Variants in POLN observed in about 807,000 individuals in gnomAD.
POLN encodes DNA polymerase N.
In POLN, 108 loss-of-function variants were observed where a neutral mutation model predicts 113.5. The observed-to-expected ratio is 0.95, with a 90% CI of 0.81 to 1.12. POLN has a LOEUF of 1.12. Ranked by LOEUF, POLN falls within the 50% of genes most tolerant of loss-of-function variation. POLN has a pLI of 0.00. For synonymous variants in POLN, 386 were observed against 391.5 expected (o/e 0.99, Z 0.17); for missense variants, 1,097 against 1,077.1 (o/e 1.02, Z -0.26).
chr4:2,176,168 G>A (rs574680553), intron 9 of POLN, 98 bp downstream of exon 9: 29 of 948,758 alleles, frequency 3.1e-5, no homozygotes, highest in African/African-American at 8.3e-5. Context: ...TCAACGTTTC[G>A]TTTCCTTCAC....
intron 19 of POLN, among the ~76,000 whole-genome samples, chr4:2,106,384 G>T (rs539202342): frequency 2.6e-5 from 4 of 152,312 alleles, no homozygotes; most frequent in African/African-American, 9.6e-5. Context: ...AAGACTCCTA[G>T]ACTTTAGAAT....
At chr4:2,229,009 T>A in intron 3 of POLN, 90 bp downstream of exon 3, 1 of 1,329,036 alleles carries the variant, frequency 7.5e-7, no homozygotes. Context: ...GCTTCATCTG[T>A]CTACATGCAT....
rs562198113 is a variant in POLN at position 2,215,602 on chromosome 4, A to AAGT, written c.134-2479_134-2477dup. On this transcript the variant is annotated intron_variant, in intron 3 of 25. Coordinates refer to ENST00000511885, the MANE Select transcript of POLN (RefSeq NM_181808.4). ...GGAAGGGGTGGGCCCTTGGGCAAAGAAGTTCTTTGCAGCCAGGCAATCAGG... is the reference window on the plus strand; with the variant it reads ...GGAAGGGGTGGGCCCTTGGGCAAAGAAGTAGTTCTTTGCAGCCAGGCAATCAGG... Among the ~76,000 whole-genome samples the AAGT allele has an allele frequency of 6.7e-4, 102 of 152,234 alleles. No individual in the cohort carries two copies. The South Asian group carries it at 0.012, about 17-fold the overall frequency.
At chr4:2,187,781 A>AAGGAGGGAGTG (rs1733315997) in intron 7 of POLN, among the ~76,000 whole-genome samples, 1 of 152,152 alleles carries the variant, frequency 6.6e-6, no homozygotes. Context: ...TTCTCAACAG[A>AAGGAGGGAGTG]AGGAGGGAGT....
rs746512545 is a variant in POLN, at chr4:2,208,336, T to C, written c.365A>G (p.Tyr122Cys). The C allele has an allele frequency of 1.2e-5, 19 of 1,613,184 alleles. No homozygotes were observed. The South Asian group carries it at 1.2e-4, about 10-fold the overall frequency. The change falls in exon 5 of 26, where the codon TAT (tyrosine) becomes TGT (cysteine). Residue 122 changes from tyrosine (Y) to cysteine (C), a missense_variant. Physicochemically the swap from Tyr to Cys is radical, Grantham distance 194. Transcript: ENST00000511885. ...LTLSSCLIPQ[Y>C]NQEASVLQKK... ...CTGTAGAACTGAAGCCTCTTGATTA[T>C]ACTGTGGAATTAAACAACTTGAAAG... is the stretch of plus-strand genomic sequence containing the variant.
intron 3 of POLN, 26 bp from the exon 4 acceptor site, chr4:2,213,152 A>T (rs766296057): frequency 1.3e-6 from 2 of 1,483,810 alleles, no homozygotes; most frequent in East Asian, 4.6e-5. Flanking sequence ...AAAAAGAAAC[A>T]TGGGGCATTA....
chr4:2,103,516 T>C (rs527276319), intron 19 of POLN, among the ~76,000 whole-genome samples: 1 of 152,174 alleles, frequency 6.6e-6, no homozygotes, highest in Non-Finnish European at 1.5e-5. Flanking sequence ...AAGAGAGATC[T>C]AAAGGCTCAG....
intron 16 of POLN, among the ~76,000 whole-genome samples, chr4:2,142,467 C>T (rs1429575852): frequency 2.6e-5 from 4 of 152,222 alleles, no homozygotes; most frequent in Admixed American, 6.5e-5. Context: ...TGTGTAAACA[C>T]GTTCCCTATC....
chr4:2,201,323 T>C (rs1204045420), intron 5 of POLN, among the ~76,000 whole-genome samples: 1 of 76,334 alleles, frequency 1.3e-5, no homozygotes, highest in Non-Finnish European at 2.8e-5. Flanking sequence ...AAATTTTCAA[T>C]GAAATAGATA....
intron 13 of POLN, among the ~76,000 whole-genome samples, chr4:2,168,341 G>T (rs958188779): frequency 1.3e-5 from 2 of 152,222 alleles, no homozygotes; most frequent in African/African-American, 4.8e-5. Context: ...CTCCAGGAAG[G>T]GGAAAGGGAG....
chr4:2,091,807 G>A (rs1216235483), intron 20 of POLN, among the ~76,000 whole-genome samples: 1 of 148,604 alleles, frequency 6.7e-6, no homozygotes, highest in Non-Finnish European at 1.5e-5. Flanking sequence ...GTGTGCGCGC[G>A]CTACAATTTG....
chr4:2,076,970 C>G (rs1730290707), intron 23 of POLN: 1 of 152,218 alleles, frequency 6.6e-6, no homozygotes, highest in Admixed American at 6.5e-5. Context: ...CAGGGTGGCC[C>G]AGGACTGCAT....
intron 20 of POLN, among the ~76,000 whole-genome samples, 185 bp from the exon 21 acceptor site, chr4:2,085,929 G>A (rs551542935): frequency 1.3e-5 from 2 of 152,332 alleles, no homozygotes; most frequent in Non-Finnish European, 1.5e-5. Flanking sequence ...TGTGAAACAT[G>A]TATTTATTCA....
intron 5 of POLN, among the ~76,000 whole-genome samples, chr4:2,205,101 A>T (rs1733811631): frequency 1.3e-5 from 2 of 152,210 alleles, no homozygotes; most frequent in Non-Finnish European, 2.9e-5. Context: ...GCAATCAGAC[A>T]AAAGAAAGAA....
At chr4:2,161,284 G>A (rs941830029) in intron 13 of POLN, among the ~76,000 whole-genome samples, 39 of 152,208 alleles carry the variant, frequency 2.6e-4, no homozygotes, top group African/African-American at 8.4e-4. Context: ...AGGCACGAGC[G>A]GGAACCGGGG....
Position 2,222,143 on chromosome 4 carries a change from C to T in POLN, c.133+6956G>A, listed in dbSNP as rs144129985. ...TTTCGCCATGTTGCCCAAACTGGTCCGATACTCAAGATTTTTTTTTTCTTG... is the reference window on the plus strand; with the variant it reads ...TTTCGCCATGTTGCCCAAACTGGTCTGATACTCAAGATTTTTTTTTTCTTG... On this transcript the variant is annotated intron_variant, in intron 3 of 25. Transcript: ENST00000511885. Among the ~76,000 whole-genome samples the T allele has an allele frequency of 1.6e-3, 237 of 152,168 alleles. 2 individuals carry two copies. Among genetic ancestry groups the T allele is most frequent in the African/African-American group, 5.4e-3 (223 of 41,520 alleles).
intron 13 of POLN, among the ~76,000 whole-genome samples, chr4:2,167,191 G>A (rs932219871): frequency 6.6e-6 from 1 of 152,170 alleles, no homozygotes; most frequent in African/African-American, 2.4e-5. Flanking sequence ...ATGACCTGGA[G>A]ACCCCATCAC....
chr4:2,098,914 GTGCGCA>G (rs1457495820), intron 19 of POLN, among the ~76,000 whole-genome samples: 1 of 56,730 alleles, frequency 1.8e-5, no homozygotes, highest in East Asian at 7.7e-4. Flanking sequence ...ATGCACGTGC[GTGCGCA>G]CACACACACA....
intron 5 of POLN, among the ~76,000 whole-genome samples, chr4:2,207,352 A>G (rs1733872141): frequency 6.6e-6 from 1 of 152,024 alleles, no homozygotes; most frequent in Non-Finnish European, 1.5e-5. Context: ...AAGGAAAGGA[A>G]AGGAAAAGGA....
Sources: allele counts gnomAD v4.1 joint callset (sites outside exome capture counted in the v4.1 genomes callset), GRCh38; gene constraint gnomAD v4.1.1; transcripts MANE v1.5; gene names NCBI Gene and HGNC (gene_info 2026-07-23, HGNC 2026-07-21).